The following DCLK1 variants were observed in gnomAD, a reference collection of about 807,000 sequenced individuals.
DCLK1 encodes the protein serine/threonine-protein kinase DCLK1.
Under a neutral mutation model 86.2 loss-of-function variants are expected in DCLK1, and 16 were observed. The observed-to-expected ratio is 0.19, with a 90% CI of 0.13 to 0.28. DCLK1 has a LOEUF of 0.28. DCLK1 is among the 10% of genes least tolerant of loss of function. The probability of loss-of-function intolerance (pLI) is 1.00; values close to 1 mark genes in which losing one functional copy is unlikely to be tolerated. For synonymous variants in DCLK1, 369 were observed against 370.5 expected (o/e 1.00, Z 0.05); for missense variants, 590 against 940.2 (o/e 0.63, Z 4.87).
intron 4 of DCLK1, among the ~76,000 whole-genome samples, chr13:35,896,558 A>AAAT (rs1874002534): frequency 4.7e-5 from 7 of 150,420 alleles, no homozygotes; most frequent in Non-Finnish European, 7.4e-5. Context: ...AAAAAAAAAA[A>AAAT]AGTTAAAATA....
At chr13:36,126,514 C>A (rs1261794092) in intron 1 of DCLK1, among the ~76,000 whole-genome samples, 1 of 152,070 alleles carries the variant, frequency 6.6e-6, no homozygotes, top group Non-Finnish European at 1.5e-5. Flanking sequence ...TCCTCCCCCG[C>A]CCCCCAACCC....
chr13:35,948,796 G>A (rs1877517770), intron 3 of DCLK1, among the ~76,000 whole-genome samples: 1 of 152,128 alleles, frequency 6.6e-6, no homozygotes, highest in Non-Finnish European at 1.5e-5. Flanking sequence ...AAAAACACAG[G>A]GGATTTAAGA....
chr13:36,020,674 C>G (rs1881738828), intron 3 of DCLK1, among the ~76,000 whole-genome samples: 1 of 152,120 alleles, frequency 6.6e-6, no homozygotes, highest in Admixed American at 6.6e-5. Flanking sequence ...TAAAATCTGA[C>G]TTCTTGTTGG....
chr13:35,852,909 A>G (rs577833715), intron 6 of DCLK1, among the ~76,000 whole-genome samples: 1 of 152,332 alleles, frequency 6.6e-6, no homozygotes, highest in Non-Finnish European at 1.5e-5. Flanking sequence ...TCTGAGTTTA[A>G]TTAGCTCAAA....
At chr13:35,901,936 G>A (rs1874391386) in intron 4 of DCLK1, among the ~76,000 whole-genome samples, 1 of 152,052 alleles carries the variant, frequency 6.6e-6, no homozygotes, top group Non-Finnish European at 1.5e-5. Flanking sequence ...GTGAGGAAGG[G>A]AACTAAGTGA....
chr13:35,857,149 C>T (rs762911339), intron 5 of DCLK1, among the ~76,000 whole-genome samples: 1 of 152,172 alleles, frequency 6.6e-6, no homozygotes, highest in Non-Finnish European at 1.5e-5. Flanking sequence ...ACAGCCAACA[C>T]AATAAGCCTT....
intron 3 of DCLK1, among the ~76,000 whole-genome samples, chr13:36,099,043 C>T (rs1253201241): frequency 1.3e-5 from 2 of 151,680 alleles, no homozygotes. Context: ...TCAAAGCTCA[C>T]TGCAACCTCC....
At chr13:36,119,669 G>T (rs192171840) in intron 2 of DCLK1, among the ~76,000 whole-genome samples, 1 of 152,260 alleles carries the variant, frequency 6.6e-6, no homozygotes, top group East Asian at 1.9e-4. Context: ...AACCCAAACT[G>T]TGGGACATTC....
intron 4 of DCLK1, among the ~76,000 whole-genome samples, chr13:35,926,205 T>A (rs578067208): frequency 6.6e-6 from 1 of 152,122 alleles, no homozygotes; most frequent in Non-Finnish European, 1.5e-5. Flanking sequence ...ACTACAGGCA[T>A]GTGCCACCAT....
chr13:36,094,235 A>G (rs1884927665), intron 3 of DCLK1, among the ~76,000 whole-genome samples: 1 of 152,208 alleles, frequency 6.6e-6, no homozygotes, highest in African/African-American at 2.4e-5. Flanking sequence ...TAAAAGCTAC[A>G]TTGGATTCAA....
At chr13:35,874,178 C>T (rs376570234) in intron 4 of DCLK1, among the ~76,000 whole-genome samples, 80 of 152,254 alleles carry the variant, frequency 5.3e-4, no homozygotes, top group African/African-American at 1.9e-3. Context: ...CCTATCCACG[C>T]AATTTCTAAT....
intron 16 of DCLK1, among the ~76,000 whole-genome samples, chr13:35,778,062 T>G (rs543007310): frequency 2.7e-4 from 41 of 152,338 alleles, no homozygotes; most frequent in African/African-American, 9.6e-4. Flanking sequence ...TTTGTGGCAT[T>G]TGAAAGATGG....
At chr13:36,131,443 CCCT>C (rs777326956), upstream of DCLK1, 208 of 175,628 alleles carry the variant, frequency 1.2e-3, no homozygotes, top group South Asian at 5.2e-3. Context: ...CCTCCCGTCT[CCCT>C]CCTCCTCCTC....
At chr13:35,905,224 C>T (rs1477572242) in intron 4 of DCLK1, among the ~76,000 whole-genome samples, 1 of 152,216 alleles carries the variant, frequency 6.6e-6, no homozygotes, top group Non-Finnish European at 1.5e-5. Context: ...TACCCTCCAG[C>T]CAGCCATTGC....
At chr13:35,798,807 T>G (rs2086861775) in intron 15 of DCLK1, among the ~76,000 whole-genome samples, 1 of 152,218 alleles carries the variant, frequency 6.6e-6, no homozygotes, top group Non-Finnish European at 1.5e-5. Flanking sequence ...ACCAGCACAA[T>G]AAGATGAATG....
At chr13:36,011,905 G>A (rs1881288969) in intron 3 of DCLK1, among the ~76,000 whole-genome samples, 1 of 150,090 alleles carries the variant, frequency 6.7e-6, no homozygotes, top group Admixed American at 6.6e-5. Flanking sequence ...ATGAATCTGG[G>A]TGCTCCTGTA....
intron 5 of DCLK1, among the ~76,000 whole-genome samples, chr13:35,869,829 G>C (rs1045220780): frequency 1.7e-4 from 26 of 152,210 alleles, no homozygotes; most frequent in African/African-American, 6.3e-4. Flanking sequence ...CTCACCTACT[G>C]TTTCTCAAAA....
chr13:35,820,390 AAAG>A (rs1444536803), intron 11 of DCLK1, among the ~76,000 whole-genome samples: 1 of 152,218 alleles, frequency 6.6e-6, no homozygotes, highest in African/African-American at 2.4e-5. Context: ...AGGGAAAAAG[AAAG>A]GAGAGAACAT....
At chr13:36,036,219 T>C (rs1401721403) in intron 3 of DCLK1, among the ~76,000 whole-genome samples, 2 of 152,160 alleles carry the variant, frequency 1.3e-5, no homozygotes, top group African/African-American at 4.8e-5. Flanking sequence ...AATTGGCATA[T>C]AAAAAGTGGG....
Sources: gnomAD v4.1 joint callset for allele counts (sites outside exome capture counted in the v4.1 genomes callset) on GRCh38, gnomAD v4.1.1 for gene constraint, MANE v1.5 for transcripts, NCBI Gene and HGNC (gene_info 2026-07-23, HGNC 2026-07-21) for gene names.